QNG1: variants seen among roughly 807,000 people sequenced by gnomAD.
QNG1 encodes the protein queuosine 5'-phosphate N-glycosylase/hydrolase.
chr9:83,948,473 G>A, the QNG1 span, among the ~76,000 whole-genome samples: 1 of 145,402 alleles, frequency 6.9e-6, no homozygotes, highest in Non-Finnish European at 1.5e-5. Context: ...CGGGGAGGGA[G>A]GTGGGGGGCG....
the QNG1 span, chr9:83,956,395 G>A: frequency 6.2e-7 from 1 of 1,601,002 alleles, no homozygotes; most frequent in South Asian, 1.1e-5. Context: ...GCCTTGGCCA[G>A]CAGCAGCTCT....
the QNG1 span, chr9:83,944,659 G>C: frequency 1.6e-6 from 1 of 625,202 alleles, no homozygotes; most frequent in East Asian, 3.1e-5. Context: ...TTTTGTCTTT[G>C]CATTTTCCTT....
chr9:83,956,778 C>CCG, the QNG1 span: 16 of 368,558 alleles, frequency 4.3e-5, no homozygotes, highest in African/African-American at 3.1e-4. Flanking sequence ...CTCGGGCGCG[C>CCG]TCTCAGGCTC....
the QNG1 span, among the ~76,000 whole-genome samples, chr9:83,948,442 C>G: frequency 2.1e-5 from 3 of 143,328 alleles, no homozygotes; most frequent in South Asian, 6.6e-4. Flanking sequence ...GGCAGCCCCC[C>G]CGCCCGGCCA....
the QNG1 span, chr9:83,956,289 G>A: frequency 2.5e-6 from 4 of 1,614,022 alleles, no homozygotes; most frequent in Non-Finnish European, 3.4e-6. Flanking sequence ...GAGCGTGTCT[G>A]TCACGAACAC....
the QNG1 span, among the ~76,000 whole-genome samples, chr9:83,946,729 G>A: frequency 3.3e-5 from 5 of 151,972 alleles, no homozygotes; most frequent in Non-Finnish European, 7.4e-5. Context: ...TACAAAACAC[G>A]GCGAAACCCT....
At chr9:83,955,216 G>C in the QNG1 span, among the ~76,000 whole-genome samples, 1 of 152,036 alleles carries the variant, frequency 6.6e-6, no homozygotes, top group Non-Finnish European at 1.5e-5. Flanking sequence ...ACAAACAAAA[G>C]AAAACATAAG....
At chr9:83,952,414 A>C in the QNG1 span, among the ~76,000 whole-genome samples, 3 of 152,002 alleles carry the variant, frequency 2.0e-5, no homozygotes, top group African/African-American at 4.8e-5. Flanking sequence ...GTAATCCCAG[A>C]ACTTTGGGAG....
the QNG1 span, chr9:83,939,544 A>G: frequency 3.1e-6 from 5 of 1,613,894 alleles, no homozygotes; most frequent in East Asian, 4.5e-5. Context: ...GATGAAACGG[A>G]ATTCCTTTCA....
chr9:83,955,429 G>T, the QNG1 span: 1 of 1,614,076 alleles, frequency 6.2e-7, no homozygotes, highest in South Asian at 1.1e-5. Context: ...CAACCACCAG[G>T]TGCATTAACT....
the QNG1 span, chr9:83,953,732 A>G: frequency 4.6e-6 from 6 of 1,310,218 alleles, no homozygotes; most frequent in Admixed American, 4.1e-5. Context: ...ATCTCGGCTC[A>G]CTGCAACCTC....
At chr9:83,941,884 C>T in the QNG1 span, among the ~76,000 whole-genome samples, 4 of 149,342 alleles carry the variant, frequency 2.7e-5, no homozygotes, top group South Asian at 2.1e-4. Context: ...TTGCACTGGG[C>T]GACAAGAACA....
At chr9:83,956,812 A>C in the QNG1 span, 1 of 305,844 alleles carries the variant, frequency 3.3e-6, no homozygotes, top group Admixed American at 4.5e-5. Flanking sequence ...AAAGGTCTGG[A>C]AACTGCTAAG....
At chr9:83,949,096 A>G in the QNG1 span, among the ~76,000 whole-genome samples, 1 of 134,542 alleles carries the variant, frequency 7.4e-6, no homozygotes, top group South Asian at 2.3e-4. Context: ...AATAAATACT[A>G]AAAAAAAAAA....
chr9:83,940,304 AGTAGTCCCAGCATGGTAGTATTGCCT>A, the QNG1 span, among the ~76,000 whole-genome samples: 1 of 152,068 alleles, frequency 6.6e-6, no homozygotes, highest in African/African-American at 2.4e-5. Context: ...ACTCAGGAGT[AGTAGTCCCAGCATGGTAGTATTGCCT>A]GTAGTCCCAG....
the QNG1 span, among the ~76,000 whole-genome samples, chr9:83,954,184 G>A: frequency 6.6e-5 from 10 of 152,132 alleles, no homozygotes; most frequent in African/African-American, 2.4e-4. Context: ...GTGAGCCACC[G>A]AGTCTGGCCA....
the QNG1 span, chr9:83,939,675 G>A: frequency 6.2e-7 from 1 of 1,614,124 alleles, no homozygotes; most frequent in Non-Finnish European, 8.5e-7. Flanking sequence ...TCCCGGATCA[G>A]CTCAACACAC....
At chr9:83,953,934 G>T in the QNG1 span, 2 of 864,072 alleles carry the variant, frequency 2.3e-6, no homozygotes, top group Non-Finnish European at 1.8e-6. Context: ...ATTCTGTCTC[G>T]TCTAGGCTGG....
At chr9:83,940,888 G>A in the QNG1 span, among the ~76,000 whole-genome samples, 1 of 152,198 alleles carries the variant, frequency 6.6e-6, no homozygotes, top group Non-Finnish European at 1.5e-5. Context: ...GCACTGGTCA[G>A]TGGAACAGGT....
Sources: gnomAD v4.1 joint callset for allele counts (sites outside exome capture counted in the v4.1 genomes callset) on GRCh38, gnomAD v4.1.1 for gene constraint, MANE v1.5 for transcripts, NCBI Gene and HGNC (gene_info 2026-07-23, HGNC 2026-07-21) for gene names.